STXBP4: variants seen among roughly 807,000 people sequenced by gnomAD.
The protein encoded by STXBP4 is syntaxin binding protein 4.
In STXBP4, 55 loss-of-function variants were observed where a neutral mutation model predicts 76.1. The ratio of observed to expected loss-of-function variants is 0.72; its 90% CI spans 0.58 to 0.91. The LOEUF (loss-of-function observed/expected upper bound fraction) is 0.91. Among genes scored for constraint, STXBP4 ranks in the 40% least tolerant of loss-of-function variants. STXBP4 has a pLI of 0.00. For synonymous variants in STXBP4, 201 were observed against 220.2 expected (o/e 0.91, Z 0.77); for missense variants, 618 against 636.9 (o/e 0.97, Z 0.32).
At chr17:55,111,013 G>A (rs2145055294) in intron 16 of STXBP4, among the ~76,000 whole-genome samples, 1 of 152,280 alleles carries the variant, frequency 6.6e-6, no homozygotes, top group Middle Eastern at 3.4e-3. Flanking sequence ...AAAGAAGGGG[G>A]AGCAGCAGTG....
chr17:54,988,564 A>G (rs963191184), intron 3 of STXBP4, among the ~76,000 whole-genome samples: 1 of 152,142 alleles, frequency 6.6e-6, no homozygotes, highest in African/African-American at 2.4e-5. Context: ...ACTTGAGGTC[A>G]GGAGTTCGAG....
chr17:55,188,417 A>G, the STXBP4 span, among the ~76,000 whole-genome samples: 1 of 152,220 alleles, frequency 6.6e-6, no homozygotes, highest in Non-Finnish European at 1.5e-5. Context: ...TCTAAACCAG[A>G]GTCCCCATTG....
At chr17:55,054,875 G>A (rs1229380535) in intron 12 of STXBP4, among the ~76,000 whole-genome samples, 8 of 152,074 alleles carry the variant, frequency 5.3e-5, no homozygotes, top group African/African-American at 1.2e-4. Flanking sequence ...AAGGTGGCAC[G>A]TGAGCTGACC....
At chr17:55,122,636 A>G (rs760439853) in intron 16 of STXBP4, among the ~76,000 whole-genome samples, 1 of 152,180 alleles carries the variant, frequency 6.6e-6, no homozygotes, top group Non-Finnish European at 1.5e-5. Flanking sequence ...TAATTTTATA[A>G]TTAATAGAAA....
At chr17:55,044,557 G>A (rs1800673214) in intron 11 of STXBP4, 1 of 151,928 alleles carries the variant, frequency 6.6e-6, no homozygotes, top group Non-Finnish European at 1.5e-5. Context: ...GCAGTACTTT[G>A]GGAGGCTGAG....
At chr17:55,052,082 T>G (rs2078866887) in intron 12 of STXBP4, among the ~76,000 whole-genome samples, 1 of 152,070 alleles carries the variant, frequency 6.6e-6, no homozygotes, top group East Asian at 1.9e-4. Flanking sequence ...TCTGTCAACT[T>G]AAAGGGCTAA....
intron 8 of STXBP4, among the ~76,000 whole-genome samples, chr17:55,014,806 G>C (rs370160435): frequency 1.3e-5 from 2 of 152,078 alleles, no homozygotes; most frequent in African/African-American, 4.8e-5. Flanking sequence ...AAGTGTCCTC[G>C]TAGGCCACAC....
chr17:55,150,969 A>G (rs1027706517), intron 17 of STXBP4, among the ~76,000 whole-genome samples: 3 of 152,214 alleles, frequency 2.0e-5, no homozygotes, highest in Non-Finnish European at 4.4e-5. Context: ...GGGAGGCAGA[A>G]AAAGAGAGTC....
At chr17:54,982,285 A>G (rs1185861611) in intron 1 of STXBP4, among the ~76,000 whole-genome samples, 1 of 152,204 alleles carries the variant, frequency 6.6e-6, no homozygotes. Context: ...CATATGCGTT[A>G]TGGACAGATT....
chr17:55,108,481 A>G (rs2079664727), intron 16 of STXBP4, among the ~76,000 whole-genome samples: 1 of 152,150 alleles, frequency 6.6e-6, no homozygotes, highest in Non-Finnish European at 1.5e-5. Flanking sequence ...CAACTAGCTC[A>G]GTGTCTGCCC....
At chr17:55,009,885 A>G (rs986294041) in intron 8 of STXBP4, among the ~76,000 whole-genome samples, 1 of 152,016 alleles carries the variant, frequency 6.6e-6, no homozygotes, top group Non-Finnish European at 1.5e-5. Flanking sequence ...TGTTTTGCAC[A>G]TACTGATATT....
intron 13 of STXBP4, among the ~76,000 whole-genome samples, chr17:55,077,115 C>T (rs763612002): frequency 1.3e-5 from 2 of 152,068 alleles, no homozygotes; most frequent in Admixed American, 6.6e-5. Context: ...TATCTGCTGT[C>T]TTTATAGATC....
chr17:54,989,960 G>T (rs541262761), intron 3 of STXBP4, among the ~76,000 whole-genome samples: 1 of 152,294 alleles, frequency 6.6e-6, no homozygotes, highest in South Asian at 2.1e-4. Flanking sequence ...CCACAGACAT[G>T]TCTTTTAAAG....
At chr17:55,038,791 TAGAG>T (rs1379986872) in intron 10 of STXBP4, among the ~76,000 whole-genome samples, 2 of 151,884 alleles carry the variant, frequency 1.3e-5, no homozygotes, top group African/African-American at 4.9e-5. Context: ...CTTAAAATTA[TAGAG>T]AGAACACTAA....
intron 7 of STXBP4, 149 bp from the exon 8 acceptor site, chr17:55,007,357 G>T: frequency 1.6e-6 from 1 of 630,988 alleles, no homozygotes; most frequent in Non-Finnish European, 2.8e-6. Flanking sequence ...AAAAAGAAAA[G>T]AAAAAAAAAT....
At chr17:55,147,975 A>G (rs1388263234) in intron 17 of STXBP4, among the ~76,000 whole-genome samples, 1 of 152,198 alleles carries the variant, frequency 6.6e-6, no homozygotes, top group African/African-American at 2.4e-5. Context: ...ACATGACAGG[A>G]ACTCTGCCAT....
Position 55,033,761 on chromosome 17 carries a change from G to A in STXBP4, c.764-407G>A, listed in dbSNP as rs564054664. Among the ~76,000 whole-genome samples the A allele has an allele frequency of 3.5e-4, 53 of 152,196 alleles. 1 individual carries two copies. Among genetic ancestry groups the A allele is most frequent in the Middle Eastern group, 6.8e-3 (2 of 292 alleles). ...TGGGAGGATGAAATTGCTAAGCACT[G>A]TGCCTGCCATACAGCAGCGGTTACA... On this transcript the variant is annotated intron_variant, in intron 9 of 17. Transcript: ENST00000376352.
the STXBP4 span, among the ~76,000 whole-genome samples, chr17:55,178,767 T>A: frequency 6.6e-6 from 1 of 152,182 alleles, no homozygotes; most frequent in African/African-American, 2.4e-5. Context: ...CCAGTTCAAG[T>A]GCAGGAGAAG....
chr17:55,085,678 T>A (rs891966193), intron 16 of STXBP4, among the ~76,000 whole-genome samples: 1 of 152,070 alleles, frequency 6.6e-6, no homozygotes, highest in African/African-American at 2.4e-5. Context: ...ATGTTTTCAG[T>A]ACAGTTCTGG....
Sources: allele counts gnomAD v4.1 joint callset (sites outside exome capture counted in the v4.1 genomes callset), GRCh38; gene constraint gnomAD v4.1.1; transcripts MANE v1.5; gene names NCBI Gene and HGNC (gene_info 2026-07-23, HGNC 2026-07-21).